The following EPB41 variants were observed in gnomAD, a reference collection of about 807,000 sequenced individuals.
EPB41 encodes erythrocyte membrane protein band 4.1, also known as protein 4.1.
A neutral mutation model predicts 108.0 loss-of-function variants in EPB41; 65 were observed. That is an observed-to-expected ratio of 0.60 (90% CI 0.49 to 0.74). EPB41 has a LOEUF of 0.74. Among genes scored for constraint, EPB41 ranks in the 30% least tolerant of loss-of-function variants. EPB41 has a pLI of 0.00. For synonymous variants in EPB41, 336 were observed against 358.9 expected (o/e 0.94, Z 0.72); for missense variants, 875 against 1,037.0 (o/e 0.84, Z 2.15).
chr1:29,037,328 C>T (rs1639871138), intron 10 of EPB41, among the ~76,000 whole-genome samples: 1 of 151,948 alleles, frequency 6.6e-6, no homozygotes, highest in South Asian at 2.1e-4. Context: ...GTGATCTGCT[C>T]GCCTCGGCCT....
intron 1 of EPB41, among the ~76,000 whole-genome samples, chr1:28,955,051 G>A (rs914120978): frequency 6.6e-6 from 1 of 152,156 alleles, no homozygotes; most frequent in Non-Finnish European, 1.5e-5. Context: ...CAGTATTGGT[G>A]CATGTGACTT....
intron 1 of EPB41, among the ~76,000 whole-genome samples, chr1:28,921,941 TA>T (rs2093110318): frequency 1.5e-5 from 1 of 66,706 alleles, no homozygotes; most frequent in South Asian, 7.3e-4. Context: ...TGAAATTTTA[TA>T]TATATATATA....
At chr1:28,960,523 T>G (rs187931991) in intron 1 of EPB41, among the ~76,000 whole-genome samples, 61 of 140,088 alleles carry the variant, frequency 4.4e-4, no homozygotes, top group African/African-American at 1.5e-3. Flanking sequence ...AGCGCAGGAG[T>G]TTGAGACCAG....
At chr1:29,070,553 C>G in intron 16 of EPB41, 1 of 1,232,102 alleles carries the variant, frequency 8.1e-7, no homozygotes, top group Non-Finnish European at 1.0e-6. Context: ...TCCTCGTATT[C>G]CTTTCATGAT....
intron 1 of EPB41, among the ~76,000 whole-genome samples, chr1:28,952,098 C>T (rs2094751095): frequency 1.3e-5 from 2 of 151,908 alleles, no homozygotes; most frequent in South Asian, 4.1e-4. Context: ...ATTATATAGC[C>T]TGTATTAAAC....
At chr1:28,920,180 A>G (rs1435855071) in intron 1 of EPB41, among the ~76,000 whole-genome samples, 7 of 152,238 alleles carry the variant, frequency 4.6e-5, no homozygotes, top group Admixed American at 3.3e-4. Flanking sequence ...GGAAGAAGCA[A>G]TAGATGCTCT....
intron 1 of EPB41, among the ~76,000 whole-genome samples, chr1:28,930,001 CT>C (rs1208425673): frequency 9.2e-5 from 14 of 151,610 alleles, no homozygotes; most frequent in African/African-American, 2.9e-4. Flanking sequence ...TTTCATCCCC[CT>C]GAAAAGAAAC....
Position 29,050,869 on chromosome 1 carries a change from G to C in EPB41, c.1637-2235G>C, listed in dbSNP as rs577873810. Among the ~76,000 whole-genome samples the C allele has an allele frequency of 4.0e-5, 6 of 151,852 alleles. No individual in the cohort carries two copies. The East Asian group carries it at 1.2e-3, about 30-fold the overall frequency. On this transcript the variant is annotated intron_variant, in intron 11 of 20. Transcript: ENST00000343067. The stretch of plus-strand genomic sequence containing the variant: ...TTTTTGTATTTTTTAGTAGAGATGG[G>C]TTTCACTGTGTTAGCCAGGATGGCC...
chr1:28,949,179 C>T (rs1453845670), intron 1 of EPB41, among the ~76,000 whole-genome samples: 1 of 151,284 alleles, frequency 6.6e-6, no homozygotes, highest in African/African-American at 2.4e-5. Flanking sequence ...CTTGGTGGCT[C>T]ATACCTGTAA....
intron 7 of EPB41, among the ~76,000 whole-genome samples, chr1:29,027,662 A>G (rs540681815): frequency 1.3e-4 from 20 of 151,922 alleles, no homozygotes; most frequent in African/African-American, 4.1e-4. Flanking sequence ...GCCTAGGCTC[A>G]TAGACTCAAG....
chr1:29,030,775 C>CAAA (rs112014000), intron 8 of EPB41, among the ~76,000 whole-genome samples: 1 of 135,168 alleles, frequency 7.4e-6, no homozygotes. Flanking sequence ...GACCCCGTCT[C>CAAA]AAAAAAAAAA....
In EPB41 at chr1:28,899,956, C is replaced by T. The variant is rs147451519; in HGVS notation, c.-8+12746C>T. Among the ~76,000 whole-genome samples the T allele has an allele frequency of 7.9e-5, 12 of 152,220 alleles. No individual in the cohort carries two copies. In the East Asian group the frequency reaches 1.9e-3, roughly 24 times the overall value. ...TGAGCTTCAGTTTTTTCCCCTATAA[C>T]GTGGGGAAAATATTAGCATCTTCTC... On this transcript the variant is annotated intron_variant, in intron 1 of 16. Coordinates refer to the EPB41 transcript ENST00000347529.
intron 16 of EPB41, chr1:29,069,420 T>C: frequency 8.1e-7 from 1 of 1,227,342 alleles, no homozygotes; most frequent in Non-Finnish European, 1.0e-6. Context: ...CTTAAAGTAA[T>C]GTATAAACCT....
intron 1 of EPB41, among the ~76,000 whole-genome samples, chr1:28,977,790 A>G (rs1185481295): frequency 6.6e-6 from 1 of 152,142 alleles, no homozygotes; most frequent in Non-Finnish European, 1.5e-5. Flanking sequence ...TTTGTCTGGA[A>G]GAACATGACT....
intron 4 of EPB41, among the ~76,000 whole-genome samples, chr1:29,008,486 C>A (rs1017766972): frequency 6.6e-6 from 1 of 152,142 alleles, no homozygotes; most frequent in Admixed American, 6.5e-5. Context: ...GGTTACACAG[C>A]TGCTAAATGG....
At chr1:29,097,185 A>T (rs1413637379) in intron 16 of EPB41, 2 of 156,792 alleles carry the variant, frequency 1.3e-5, no homozygotes, top group African/African-American at 4.8e-5. Flanking sequence ...AGGTGAGCAG[A>T]TGGACAAGAA....
intron 4 of EPB41, among the ~76,000 whole-genome samples, chr1:29,008,964 C>G (rs2096456461): frequency 6.6e-6 from 1 of 152,198 alleles, no homozygotes; most frequent in Non-Finnish European, 1.5e-5. Context: ...TAACTGACTT[C>G]TAAACCATTT....
At chr1:28,948,329 G>T (rs1002200280) in intron 1 of EPB41, among the ~76,000 whole-genome samples, 1 of 151,012 alleles carries the variant, frequency 6.6e-6, no homozygotes, top group South Asian at 2.1e-4. Context: ...GTGAAACCCC[G>T]TCTCTACTAA....
intron 1 of EPB41, among the ~76,000 whole-genome samples, chr1:28,943,141 C>T (rs913478246): frequency 1.3e-5 from 2 of 152,118 alleles, no homozygotes; most frequent in African/African-American, 4.8e-5. Context: ...GGTTTCAACT[C>T]TGGCCAGTGA....
Sources: gnomAD v4.1 joint callset for allele counts (sites outside exome capture counted in the v4.1 genomes callset) on GRCh38, gnomAD v4.1.1 for gene constraint, MANE v1.5 for transcripts, NCBI Gene and HGNC (gene_info 2026-07-23, HGNC 2026-07-21) for gene names.